Variants in ARHGAP15 observed in about 807,000 individuals in gnomAD.
ARHGAP15 encodes rho GTPase-activating protein 15.
A neutral mutation model predicts 63.7 loss-of-function variants in ARHGAP15; 51 were observed. That is an observed-to-expected ratio of 0.80 (90% confidence interval 0.64 to 1.01). ARHGAP15 has a LOEUF of 1.01. ARHGAP15 is among the 50% of genes least tolerant of loss of function. The probability of loss-of-function intolerance (pLI) is 0.00; values close to 1 mark genes in which losing one functional copy is unlikely to be tolerated. For missense variants in ARHGAP15, 560 were observed against 564.6 expected (o/e 0.99, Z 0.08); for synonymous variants, 191 against 193.8 (o/e 0.99, Z 0.12).
intron 9 of ARHGAP15, among the ~76,000 whole-genome samples, chr2:143,496,233 C>T (rs1692809081): frequency 6.6e-6 from 1 of 151,940 alleles, no homozygotes; most frequent in African/African-American, 2.4e-5. Context: ...TAATAAGATA[C>T]AGGACACCAT....
intron 7 of ARHGAP15, among the ~76,000 whole-genome samples, chr2:143,436,245 A>G (rs892177331): frequency 7.2e-5 from 11 of 152,184 alleles, no homozygotes; most frequent in Admixed American, 2.6e-4. Context: ...CACTCATTCC[A>G]TGCTGAGTCT....
chr2:143,409,825 T>C (rs921695070), intron 6 of ARHGAP15, among the ~76,000 whole-genome samples: 1 of 152,124 alleles, frequency 6.6e-6, no homozygotes, highest in Non-Finnish European at 1.5e-5. Context: ...TGTGGTAGGC[T>C]ATACCATCTA....
At chr2:143,733,204 A>G (rs1326789100) in intron 13 of ARHGAP15, among the ~76,000 whole-genome samples, 1 of 152,122 alleles carries the variant, frequency 6.6e-6, no homozygotes, top group Non-Finnish European at 1.5e-5. Flanking sequence ...CTTATTATCA[A>G]ATCGTCATTG....
intron 13 of ARHGAP15, among the ~76,000 whole-genome samples, chr2:143,767,541 T>C (rs751853413): frequency 1.4e-4 from 21 of 152,108 alleles, no homozygotes; most frequent in Non-Finnish European, 2.1e-4. Flanking sequence ...AATACTTTAC[T>C]CAACACTAAT....
chr2:143,142,709 A>G (rs1558771439), intron 1 of ARHGAP15, among the ~76,000 whole-genome samples: 1 of 152,076 alleles, frequency 6.6e-6, no homozygotes, highest in Non-Finnish European at 1.5e-5. Flanking sequence ...AAATACACAT[A>G]CATGTGTGCA....
chr2:143,677,367 G>T (rs1574826778), intron 12 of ARHGAP15, among the ~76,000 whole-genome samples: 1 of 152,074 alleles, frequency 6.6e-6, no homozygotes, highest in Non-Finnish European at 1.5e-5. Context: ...AAGACTCCTT[G>T]GTTGTTGGAA....
intron 2 of ARHGAP15, among the ~76,000 whole-genome samples, chr2:143,162,649 C>A (rs928563346): frequency 7.9e-5 from 12 of 152,058 alleles, no homozygotes; most frequent in Non-Finnish European, 1.6e-4. Flanking sequence ...TTACCTAATA[C>A]GCTGTGTGCC....
chr2:143,391,021 T>C (rs1687516528), intron 6 of ARHGAP15, among the ~76,000 whole-genome samples: 1 of 152,090 alleles, frequency 6.6e-6, no homozygotes, highest in African/African-American at 2.4e-5. Context: ...GGGTCTCCTG[T>C]GGAGAGTTAA....
intron 1 of ARHGAP15, among the ~76,000 whole-genome samples, chr2:143,138,895 T>A (rs1490387597): frequency 6.6e-6 from 1 of 152,128 alleles, no homozygotes; most frequent in Non-Finnish European, 1.5e-5. Context: ...ATAAAATTAT[T>A]AAAATTAATT....
At chr2:143,165,925 T>A (rs1690481663) in intron 2 of ARHGAP15, among the ~76,000 whole-genome samples, 1 of 58,996 alleles carries the variant, frequency 1.7e-5, no homozygotes, top group South Asian at 4.4e-4. Context: ...GCCTTTAACG[T>A]CAAGAAAGAA....
chr2:143,543,500 G>T (rs1252763194), intron 10 of ARHGAP15, among the ~76,000 whole-genome samples: 1 of 151,956 alleles, frequency 6.6e-6, no homozygotes, highest in Non-Finnish European at 1.5e-5. Context: ...CATTCTATAG[G>T]TTGCCACTCC....
At position 143,153,825 on chromosome 2, in the gene ARHGAP15, TTCTTCTTCTTCTTCTTCTTCC is replaced by T. The variant is rs1429839875; in HGVS notation, c.-14-1649_-14-1629del. ...CTTCTTCTTCTTCTTCTTCTTCTTCTTCTTCTTCTTCTTCTTCTTCCTCCTCCTCCTCCTCCTCCTCCTCCT... is the reference window on the plus strand; with the variant it reads ...CTTCTTCTTCTTCTTCTTCTTCTTCTTCCTCCTCCTCCTCCTCCTCCTCCT... On this transcript the variant is annotated intron_variant, in intron 1 of 13. Coordinates refer to ENST00000295095, the MANE Select transcript of ARHGAP15 (RefSeq NM_018460.4). Among the ~76,000 whole-genome samples, 102 of 80,144 alleles carry T rather than the reference TTCTTCTTCTTCTTCTTCTTCC, an allele frequency of 1.3e-3. 1 individual carries two copies. Among genetic ancestry groups the T allele is most frequent in the African/African-American group, 4.1e-3 (93 of 22,634 alleles). The allele number at this position is 80,144 out of a possible 152,430, so 52.6% of individuals were successfully genotyped here. A position where few individuals can be genotyped will look rare whatever the true frequency, so the allele number is the denominator to read the frequency against.
chr2:143,198,277 A>G (rs1247918506), intron 2 of ARHGAP15, among the ~76,000 whole-genome samples: 2 of 151,966 alleles, frequency 1.3e-5, no homozygotes, highest in Non-Finnish European at 2.9e-5. Context: ...TAAATTTCTC[A>G]ATTTGCATTC....
chr2:143,579,975 TAAAAC>T (rs1015688344), intron 11 of ARHGAP15, among the ~76,000 whole-genome samples: 2 of 144,434 alleles, frequency 1.4e-5, no homozygotes, highest in African/African-American at 5.0e-5. Context: ...TCTTTCTTAA[TAAAAC>T]AAATGTTTCT....
chr2:143,141,296 C>T (rs146272269), intron 1 of ARHGAP15, among the ~76,000 whole-genome samples: 109 of 152,082 alleles, frequency 7.2e-4, no homozygotes, highest in Middle Eastern at 6.8e-3. Context: ...AATGAATATA[C>T]CAATTTCAGT....
intron 12 of ARHGAP15, among the ~76,000 whole-genome samples, chr2:143,634,513 G>T (rs1003879363): frequency 2.0e-5 from 3 of 152,100 alleles, no homozygotes; most frequent in African/African-American, 7.2e-5. Context: ...CAAGTTCACT[G>T]GTATTATCAT....
chr2:143,354,972 C>T (rs947669675), intron 6 of ARHGAP15, among the ~76,000 whole-genome samples: 3 of 152,142 alleles, frequency 2.0e-5, no homozygotes, highest in Admixed American at 6.6e-5. Flanking sequence ...AATATGTGAA[C>T]ATTTTTCATT....
intron 6 of ARHGAP15, among the ~76,000 whole-genome samples, chr2:143,422,092 C>T (rs555683132): frequency 4.6e-5 from 7 of 152,104 alleles, no homozygotes; most frequent in Non-Finnish European, 8.8e-5. Context: ...GCATATAAGT[C>T]TCATCTAATT....
chr2:143,407,821 T>G (rs1421877513), intron 6 of ARHGAP15, among the ~76,000 whole-genome samples: 1 of 151,100 alleles, frequency 6.6e-6, no homozygotes, highest in Non-Finnish European at 1.5e-5. Context: ...ATGCTCGTTT[T>G]ATATTTTTGC....
Sources: allele counts gnomAD v4.1 joint callset (sites outside exome capture counted in the v4.1 genomes callset), GRCh38; gene constraint gnomAD v4.1.1; transcripts MANE v1.5; gene names NCBI Gene and HGNC (gene_info 2026-07-23, HGNC 2026-07-21).